SLC9A7: variants seen among roughly 807,000 people sequenced by gnomAD.
SLC9A7 encodes the protein solute carrier family 9 member A7, also known as sodium/hydrogen exchanger 7.
SLC9A7 carries 19 observed loss-of-function variants against 52.6 expected under a neutral mutation model. The ratio of observed to expected loss-of-function variants is 0.36; its 90% CI spans 0.25 to 0.53. The LOEUF (loss-of-function observed/expected upper bound fraction) is 0.53, where lower values mean the gene tolerates loss of function less well. SLC9A7 is among the 20% of genes least tolerant of loss of function. The probability of loss-of-function intolerance (pLI) is 0.91; values close to 1 mark genes in which losing one functional copy is unlikely to be tolerated. For missense variants in SLC9A7, 455 were observed against 597.9 expected (o/e 0.76, Z 2.49); for synonymous variants, 226 against 252.1 (o/e 0.90, Z 0.98).
At chrX:46,691,066 C>T (rs1380293330) in intron 1 of SLC9A7, among the ~76,000 whole-genome samples, 2 of 111,700 alleles carry the variant, frequency 1.8e-5, no homozygotes, top group Non-Finnish European at 3.8e-5. Context: ...CTATTCTTAC[C>T]AAGATTCAGT....
At chrX:46,701,321 C>T (rs1944527927) in intron 1 of SLC9A7, among the ~76,000 whole-genome samples, 1 of 111,692 alleles carries the variant, frequency 9.0e-6, no homozygotes, top group Non-Finnish European at 1.9e-5. Flanking sequence ...GGCGCGGTGG[C>T]TCACACCTGT....
intron 1 of SLC9A7, among the ~76,000 whole-genome samples, chrX:46,728,429 T>C (rs1353154516): frequency 8.9e-6 from 1 of 112,002 alleles, no homozygotes; most frequent in Non-Finnish European, 1.9e-5. Flanking sequence ...AGTAGGGAAA[T>C]GCAAATTAAA....
intron 8 of SLC9A7, among the ~76,000 whole-genome samples, chrX:46,651,835 A>G (rs1158081404): frequency 4.9e-5 from 5 of 101,656 alleles, no homozygotes; most frequent in African/African-American, 1.7e-4. Context: ...CTCAAAAGAA[A>G]AAAAAAAAAA....
intron 1 of SLC9A7, among the ~76,000 whole-genome samples, chrX:46,684,564 C>T (rs2146876578): frequency 8.9e-6 from 1 of 112,109 alleles, no homozygotes; most frequent in Admixed American, 9.4e-5. Context: ...AAAGAGATGT[C>T]TGTAGGGAAA....
chrX:46,700,166 G>A (rs761331204), intron 1 of SLC9A7, among the ~76,000 whole-genome samples: 12 of 111,281 alleles, frequency 1.1e-4, no homozygotes, highest in Non-Finnish European at 2.1e-4. Context: ...CAGATGCCTG[G>A]GTTAGGTCCA....
intron 4 of SLC9A7, among the ~76,000 whole-genome samples, chrX:46,672,039 T>C (rs1944032693): frequency 8.9e-6 from 1 of 112,015 alleles, no homozygotes; most frequent in South Asian, 3.7e-4. Flanking sequence ...CTTATATCCA[T>C]ATGGACTCAG....
intron 7 of SLC9A7, among the ~76,000 whole-genome samples, chrX:46,661,146 C>T (rs1943811569): frequency 9.2e-6 from 1 of 108,717 alleles, no homozygotes; most frequent in Non-Finnish European, 1.9e-5. Flanking sequence ...GCTGCATATT[C>T]TCACTCATAG....
At chrX:46,708,979 G>A (rs1300996267) in intron 1 of SLC9A7, among the ~76,000 whole-genome samples, 1 of 111,695 alleles carries the variant, frequency 9.0e-6, no homozygotes, top group Non-Finnish European at 1.9e-5. Flanking sequence ...GGGGAAAGAT[G>A]TTTAAAAATA....
At chrX:46,667,355 A>G (rs1943938172) in intron 5 of SLC9A7, among the ~76,000 whole-genome samples, 1 of 111,368 alleles carries the variant, frequency 9.0e-6, no homozygotes, top group Non-Finnish European at 1.9e-5. Context: ...GGGTGTTTGT[A>G]ATAAAATATG....
chrX:46,615,307 C>G (rs1004807763), intron 15 of SLC9A7, among the ~76,000 whole-genome samples: 2 of 112,390 alleles, frequency 1.8e-5, no homozygotes, highest in Admixed American at 9.4e-5. Context: ...TCCCAAAATG[C>G]TGGGATTACA....
At chrX:46,704,832 G>C (rs1236198789) in intron 1 of SLC9A7, among the ~76,000 whole-genome samples, 1 of 110,843 alleles carries the variant, frequency 9.0e-6, no homozygotes, top group Non-Finnish European at 1.9e-5. Flanking sequence ...CTTCCCTCTT[G>C]AGACACACAC....
intron 1 of SLC9A7, among the ~76,000 whole-genome samples, chrX:46,736,675 A>G (rs1454926207): frequency 9.0e-6 from 1 of 110,981 alleles, no homozygotes; most frequent in Non-Finnish European, 1.9e-5. Flanking sequence ...AGGAGCCTTC[A>G]TATTCCTGTA....
intron 16 of SLC9A7, among the ~76,000 whole-genome samples, chrX:46,611,247 A>C (rs770873446): frequency 4.0e-4 from 45 of 112,294 alleles, no homozygotes; most frequent in African/African-American, 1.4e-3. Flanking sequence ...CTAAGTTTTT[A>C]ATCTATTGGT....
At chrX:46,639,316 C>G (rs1470850913) in intron 12 of SLC9A7, among the ~76,000 whole-genome samples, 5 of 101,979 alleles carry the variant, frequency 4.9e-5, no homozygotes. Flanking sequence ...GAGTCTCGCT[C>G]TGTCGCCCAG....
intron 3 of SLC9A7, among the ~76,000 whole-genome samples, chrX:46,674,892 G>C (rs1944085051): frequency 9.0e-6 from 1 of 111,394 alleles, no homozygotes; most frequent in Non-Finnish European, 1.9e-5. Flanking sequence ...GTTTTGCTTT[G>C]GTGAAAATCT....
In SLC9A7 at chrX:46,658,926, A is replaced by G. The variant is rs1275832200; in HGVS notation, c.1041+3090T>C. Among the ~76,000 whole-genome samples, 6 of 111,267 alleles carry G rather than the reference A, an allele frequency of 5.4e-5. 1 individual carries two copies. The Middle Eastern group carries it at 0.014, about 259-fold the overall frequency. On this transcript the variant is annotated intron_variant, in intron 7 of 16. Transcript: ENST00000616978. ...CTGGGCAGAGACACAACCAAAAAAG[A>G]GAATTTTAGACCAATATCCTTGATG...
intron 1 of SLC9A7, among the ~76,000 whole-genome samples, chrX:46,715,484 G>A (rs1944755241): frequency 9.0e-6 from 1 of 111,437 alleles, no homozygotes; most frequent in Admixed American, 9.5e-5. Flanking sequence ...ACTACATTAT[G>A]ATTCACTGAT....
At chrX:46,620,900 G>T in intron 15 of SLC9A7, 77 bp downstream of exon 15, 1 of 715,663 alleles carries the variant, frequency 1.4e-6, no homozygotes, top group Non-Finnish European at 2.1e-6. Flanking sequence ...TACTTATCAG[G>T]TGTCATTCAC....
chrX:46,730,670 TTATATATATATATATATATA>T (rs57157177), intron 1 of SLC9A7, among the ~76,000 whole-genome samples: 1,428 of 42,916 alleles, frequency 0.033, 109 homozygotes, highest in African/African-American at 0.086. Context: ...AAAAAAAAAA[TTATATATATATATATATATA>T]TATATATATA....
Sources: allele counts gnomAD v4.1 joint callset (sites outside exome capture counted in the v4.1 genomes callset), GRCh38; gene constraint gnomAD v4.1.1; transcripts MANE v1.5; gene names NCBI Gene and HGNC (gene_info 2026-07-23, HGNC 2026-07-21).